Variants in NLGN1 observed in about 807,000 individuals in gnomAD.
NLGN1 encodes the protein neuroligin-1.
NLGN1 carries 12 observed loss-of-function variants against 65.5 expected under a neutral mutation model. The observed-to-expected ratio is 0.18, with a 90% CI of 0.12 to 0.30. NLGN1 has a LOEUF of 0.30. NLGN1 is among the 10% of genes least tolerant of loss of function. The probability of loss-of-function intolerance (pLI) is 1.00; values close to 1 mark genes in which losing one functional copy is unlikely to be tolerated. For synonymous variants in NLGN1, 350 were observed against 359.5 expected (o/e 0.97, Z 0.30); for missense variants, 750 against 1,007.1 (o/e 0.74, Z 3.46).
chr3:173,478,394 G>T (rs553565225), intron 2 of NLGN1, among the ~76,000 whole-genome samples: 1 of 152,024 alleles, frequency 6.6e-6, no homozygotes, highest in Non-Finnish European at 1.5e-5. Context: ...ACATACTGGG[G>T]CCTGTAGGGA....
intron 4 of NLGN1, among the ~76,000 whole-genome samples, chr3:173,889,844 C>T (rs1735011086): frequency 6.6e-6 from 1 of 152,068 alleles, no homozygotes; most frequent in Admixed American, 6.6e-5. Flanking sequence ...TAAGAAACAC[C>T]ACTGTGAACT....
intron 2 of NLGN1, among the ~76,000 whole-genome samples, chr3:173,591,168 A>G (rs1748413824): frequency 6.6e-6 from 1 of 152,154 alleles, no homozygotes; most frequent in East Asian, 1.9e-4. Context: ...TTGGCAACCT[A>G]TATTCCATGT....
At chr3:174,146,513 T>C (rs1561153726) in intron 4 of NLGN1, among the ~76,000 whole-genome samples, 1 of 152,148 alleles carries the variant, frequency 6.6e-6, no homozygotes, top group Non-Finnish European at 1.5e-5. Flanking sequence ...AAGCAAATTA[T>C]TTTAAATGTT....
At chr3:174,028,870 G>A (rs1425616428) in intron 4 of NLGN1, among the ~76,000 whole-genome samples, 4 of 152,188 alleles carry the variant, frequency 2.6e-5, no homozygotes, top group Admixed American at 6.5e-5. Context: ...AAATGGTTTT[G>A]TGGGCCAGGC....
At chr3:173,795,395 CTTTAT>C (rs1713821040) in intron 3 of NLGN1, among the ~76,000 whole-genome samples, 1 of 152,056 alleles carries the variant, frequency 6.6e-6, no homozygotes, top group Non-Finnish European at 1.5e-5. Context: ...GCTATGCTTT[CTTTAT>C]ATCTGGTCAT....
At chr3:173,449,147 G>T (rs1355066349) in intron 2 of NLGN1, among the ~76,000 whole-genome samples, 1 of 151,914 alleles carries the variant, frequency 6.6e-6, no homozygotes, top group Non-Finnish European at 1.5e-5. Flanking sequence ...TCTTTTAATT[G>T]TGATGTTAGG....
chr3:174,203,988 CATTAAT>C (rs1734979342), intron 4 of NLGN1, among the ~76,000 whole-genome samples: 1 of 152,006 alleles, frequency 6.6e-6, no homozygotes, highest in African/African-American at 2.4e-5. Context: ...TTTATCATAG[CATTAAT>C]ATTAACAGTT....
chr3:173,652,983 G>C (rs545039669), intron 3 of NLGN1, among the ~76,000 whole-genome samples: 221 of 151,980 alleles, frequency 1.5e-3, no homozygotes, highest in Non-Finnish European at 2.5e-3. Flanking sequence ...TATGCTGCTA[G>C]GTATTTTTTA....
At chr3:173,505,357 A>C (rs1395533572) in intron 2 of NLGN1, among the ~76,000 whole-genome samples, 1 of 152,072 alleles carries the variant, frequency 6.6e-6, no homozygotes, top group Non-Finnish European at 1.5e-5. Context: ...GCCATATTGC[A>C]ACCAAAGCAA....
chr3:174,212,161 G>A (rs551984450), intron 4 of NLGN1, among the ~76,000 whole-genome samples: 8 of 152,324 alleles, frequency 5.3e-5, no homozygotes, highest in Admixed American at 3.3e-4. Flanking sequence ...GCACAGCGCC[G>A]GTGGGCCGGC....
At chr3:173,499,952 G>C (rs910023012) in intron 2 of NLGN1, among the ~76,000 whole-genome samples, 1 of 151,646 alleles carries the variant, frequency 6.6e-6, no homozygotes, top group Admixed American at 6.6e-5. Context: ...AAGATTTTGG[G>C]CTGAGAAATG....
At chr3:173,827,729 A>G (rs1721647825) in intron 4 of NLGN1, among the ~76,000 whole-genome samples, 1 of 151,588 alleles carries the variant, frequency 6.6e-6, no homozygotes, top group Non-Finnish European at 1.5e-5. Flanking sequence ...GAGAAGTCCC[A>G]CCATTTTCCA....
intron 4 of NLGN1, among the ~76,000 whole-genome samples, chr3:174,167,850 T>C (rs1442472230): frequency 6.6e-6 from 1 of 152,014 alleles, no homozygotes. Context: ...AATTAACAGG[T>C]TTGCTAACTT....
At chr3:173,734,051 G>A (rs894429722) in intron 3 of NLGN1, among the ~76,000 whole-genome samples, 2 of 151,788 alleles carry the variant, frequency 1.3e-5, no homozygotes, top group East Asian at 3.9e-4. Flanking sequence ...TAGACTTTGC[G>A]GTTATATTTT....
At chr3:174,287,870 T>C (rs1752305656), downstream of NLGN1, among the ~76,000 whole-genome samples, 1 of 151,518 alleles carries the variant, frequency 6.6e-6, no homozygotes, top group African/African-American at 2.4e-5. Flanking sequence ...ACTGGTGCCT[T>C]GGGAATTGGC....
At chr3:174,156,344 G>T (rs62290315) in intron 4 of NLGN1, among the ~76,000 whole-genome samples, 36,387 of 151,598 alleles carry the variant, frequency 0.24, 4,951 homozygotes, top group East Asian at 0.57. Flanking sequence ...GGGTCAGCTG[G>T]GCTCCCCGAA....
intron 4 of NLGN1, among the ~76,000 whole-genome samples, chr3:174,259,917 G>A (rs1374476947): frequency 7.1e-6 from 1 of 140,742 alleles, no homozygotes. Context: ...TCCCACCTAT[G>A]AGTGAGAATA....
rs1240337878 is a variant in NLGN1 at position 173,581,723 on chromosome 3, T to C, written c.-320-22556T>C. Among the ~76,000 whole-genome samples the C allele has an allele frequency of 3.9e-5, 6 of 152,128 alleles. No homozygotes were observed. In the South Asian group the frequency reaches 1.2e-3, roughly 31 times the overall value. On this transcript the variant is annotated intron_variant, in intron 2 of 6. Coordinates refer to ENST00000457714, the Ensembl canonical transcript of NLGN1. ...AAATCTCCATATAAAAAGCACATTA[T>C]GAAATATTGATATTTCATTTTTTCA...
At chr3:173,701,551 C>T (rs775550005) in intron 3 of NLGN1, among the ~76,000 whole-genome samples, 2 of 152,188 alleles carry the variant, frequency 1.3e-5, no homozygotes, top group Non-Finnish European at 2.9e-5. Context: ...TTGGACTTCT[C>T]ACATCCAGGA....
Sources: allele counts gnomAD v4.1 joint callset (sites outside exome capture counted in the v4.1 genomes callset), GRCh38; gene constraint gnomAD v4.1.1; transcripts MANE v1.5; gene names NCBI Gene and HGNC (gene_info 2026-07-23, HGNC 2026-07-21).